The following RBMS3 variants were observed in gnomAD, a reference collection of about 807,000 sequenced individuals.
The protein encoded by RBMS3 is RNA binding motif single stranded interacting protein 3.
In RBMS3, 27 loss-of-function variants were observed where a neutral mutation model predicts 66.8. That is an observed-to-expected ratio of 0.40 (90% CI 0.30 to 0.56). The LOEUF is 0.56. Among genes scored for constraint, RBMS3 ranks in the 20% least tolerant of loss-of-function variants. The probability of loss-of-function intolerance (pLI) is 0.40; values close to 1 mark genes in which losing one functional copy is unlikely to be tolerated. For synonymous variants in RBMS3, 188 were observed against 183.0 expected, an observed-to-expected ratio of 1.03 and a Z score of -0.22; for missense variants, 513 against 549.5, an observed-to-expected ratio of 0.93 and a Z score of 0.66.
chr3:29,369,539 G>A (rs952042681), intron 1 of RBMS3, among the ~76,000 whole-genome samples: 12 of 131,766 alleles, frequency 9.1e-5, no homozygotes, highest in African/African-American at 3.2e-4. Flanking sequence ...CACACTTTGA[G>A]TGAGGGTGAG....
At chr3:29,785,369 A>C (rs937350957) in intron 6 of RBMS3, among the ~76,000 whole-genome samples, 1 of 152,130 alleles carries the variant, frequency 6.6e-6, no homozygotes, top group Admixed American at 6.6e-5. Flanking sequence ...AACGTATGCA[A>C]TCTAAAAATT....
At chr3:29,291,564 C>A (rs1415907204) in intron 1 of RBMS3, among the ~76,000 whole-genome samples, 1 of 151,750 alleles carries the variant, frequency 6.6e-6, no homozygotes, top group Non-Finnish European at 1.5e-5. Context: ...CCCTAGGGCA[C>A]CCTCTTAGGG....
chr3:29,885,071 C>T (rs556422903), intron 8 of RBMS3, among the ~76,000 whole-genome samples: 6 of 151,808 alleles, frequency 4.0e-5, no homozygotes, highest in African/African-American at 1.4e-4. Flanking sequence ...AAATAATTAC[C>T]TCTTATTCTT....
At chr3:29,404,533 C>G (rs2039935798) in intron 1 of RBMS3, among the ~76,000 whole-genome samples, 2 of 152,070 alleles carry the variant, frequency 1.3e-5, no homozygotes, top group East Asian at 3.9e-4. Context: ...GGCTATATTT[C>G]TGTAGGATTT....
chr3:29,743,852 G>A (rs377026538), intron 5 of RBMS3, among the ~76,000 whole-genome samples: 10 of 148,636 alleles, frequency 6.7e-5, no homozygotes, highest in Non-Finnish European at 8.9e-5. Flanking sequence ...CCATTAACTC[G>A]TCATTTAGCA....
intron 4 of RBMS3, among the ~76,000 whole-genome samples, chr3:29,598,805 T>C (rs1388683736): frequency 6.6e-6 from 1 of 152,054 alleles, no homozygotes; most frequent in Non-Finnish European, 1.5e-5. Context: ...CTATAATACC[T>C]AATGCTTAAC....
intron 2 of RBMS3, among the ~76,000 whole-genome samples, chr3:29,469,408 G>T (rs1174387705): frequency 6.6e-6 from 1 of 151,942 alleles, no homozygotes; most frequent in Non-Finnish European, 1.5e-5. Context: ...GTTAATAACA[G>T]CAATGTTTAT....
intron 3 of RBMS3, among the ~76,000 whole-genome samples, chr3:29,509,252 T>A (rs917125092): frequency 1.3e-5 from 2 of 152,110 alleles, no homozygotes; most frequent in Non-Finnish European, 2.9e-5. Flanking sequence ...TTACCACATA[T>A]CCAACCAACC....
chr3:29,297,787 T>C (rs900142201), intron 1 of RBMS3, among the ~76,000 whole-genome samples: 1 of 151,850 alleles, frequency 6.6e-6, no homozygotes, highest in Admixed American at 6.6e-5. Flanking sequence ...AGAAAAGGTG[T>C]CATTTTCTTG....
Position 29,673,991 on chromosome 3 carries a change from G to A in RBMS3, c.400-65729G>A, listed in dbSNP as rs1035404732. ...ATCAATATGCCTGATGAACATCGAT[G>A]CAAAAATCCTCAATAAAATACTGGC... is the stretch of plus-strand genomic sequence containing the variant. On this transcript the variant is annotated intron_variant, in intron 4 of 14. Transcript: ENST00000383767. Among the ~76,000 whole-genome samples, 20 of 152,290 alleles carry A rather than the reference G, an allele frequency of 1.3e-4. No individual in the cohort carries two copies. The South Asian group carries it at 3.9e-3, about 30-fold the overall frequency.
chr3:29,972,713 T>C (rs1189517895), intron 12 of RBMS3, among the ~76,000 whole-genome samples: 1 of 152,128 alleles, frequency 6.6e-6, no homozygotes, highest in East Asian at 1.9e-4. Flanking sequence ...ATTCACGATG[T>C]GTGGGCTGGA....
At chr3:29,915,881 G>A (rs2149642747) in intron 10 of RBMS3, among the ~76,000 whole-genome samples, 1 of 152,112 alleles carries the variant, frequency 6.6e-6, no homozygotes, top group South Asian at 2.1e-4. Flanking sequence ...TAATGCAAAA[G>A]CATGTAGCTT....
chr3:29,671,430 C>T (rs1438248297), intron 4 of RBMS3, among the ~76,000 whole-genome samples: 1 of 152,182 alleles, frequency 6.6e-6, no homozygotes, highest in Non-Finnish European at 1.5e-5. Flanking sequence ...CGGAGAATGA[C>T]TTTGACAAGT....
intron 4 of RBMS3, among the ~76,000 whole-genome samples, chr3:29,601,297 A>G (rs1051300179): frequency 2.6e-5 from 4 of 152,048 alleles, no homozygotes; most frequent in Non-Finnish European, 5.9e-5. Flanking sequence ...TATGAAATTC[A>G]TATAATTCTT....
At chr3:29,912,783 A>G (rs767140766) in intron 10 of RBMS3, among the ~76,000 whole-genome samples, 54 of 152,026 alleles carry the variant, frequency 3.6e-4, no homozygotes, top group Admixed American at 2.5e-3. Context: ...CAATTGGCTG[A>G]CATGTGGCTT....
Position 29,581,202 on chromosome 3 carries a change from G to T in RBMS3, c.308-5912G>T, listed in dbSNP as rs189960721. ...ACTATAATGATCACTCACAGTAAAT[G>T]GATACAAAAGAAGATACTGAAGAAA... On this transcript the variant is annotated intron_variant, in intron 3 of 14. Coordinates refer to ENST00000383767, the MANE Select transcript of RBMS3 (RefSeq NM_001003793.3). Among the ~76,000 whole-genome samples the T allele has an allele frequency of 2.0e-4, 30 of 152,152 alleles. No individual in the cohort carries two copies. The East Asian group carries it at 5.2e-3, about 26-fold the overall frequency.
chr3:29,652,276 A>C (rs1463051050), intron 4 of RBMS3, among the ~76,000 whole-genome samples: 1 of 152,174 alleles, frequency 6.6e-6, no homozygotes. Context: ...TTCTTATGTT[A>C]ATAAAAACTT....
intron 4 of RBMS3, among the ~76,000 whole-genome samples, chr3:29,735,309 G>A (rs940058218): frequency 2.0e-5 from 3 of 152,134 alleles, no homozygotes; most frequent in South Asian, 2.1e-4. Context: ...TCATTTCAGA[G>A]AAAGTAAATT....
rs748564137 is a variant in RBMS3 at position 29,865,072 on chromosome 3, CGAAG to C, written c.638-3777_638-3774del. Among the ~76,000 whole-genome samples, 682 of 79,074 alleles carry C rather than the reference CGAAG, an allele frequency of 8.6e-3. 5 individuals are homozygous for C. The highest frequency in any genetic ancestry group is 0.011 in the Non-Finnish European group (507 of 45,836). 51.9% of individuals were successfully genotyped at this position (79,074 alleles called of 152,430 possible). The stretch of plus-strand genomic sequence containing the variant: ...GGGAAGGAAGGAAGGAAGAGAGAGA[CGAAG>C]GAAGGAAGAAAGGAAGGGAGGGAGG... On this transcript the variant is annotated intron_variant, in intron 6 of 14. Coordinates refer to ENST00000383767, the MANE Select transcript of RBMS3 (RefSeq NM_001003793.3).
Sources: allele counts gnomAD v4.1 joint callset (sites outside exome capture counted in the v4.1 genomes callset), GRCh38; gene constraint gnomAD v4.1.1; transcripts MANE v1.5; gene names NCBI Gene and HGNC (gene_info 2026-07-23, HGNC 2026-07-21).